The following SH3BGRL2 variants were observed in gnomAD, a reference collection of about 807,000 sequenced individuals.
SH3BGRL2 encodes the protein SH3 domain-binding glutamic acid-rich-like protein 2.
Under a neutral mutation model 14.8 loss-of-function variants are expected in SH3BGRL2, and 21 were observed. That is an observed-to-expected ratio of 1.42 (90% CI 1.01 to 2.05). SH3BGRL2 has a LOEUF of 2.05. SH3BGRL2 is among the 30% of genes most tolerant of loss of function. The pLI, the probability that SH3BGRL2 is intolerant of heterozygous loss-of-function variation, is 0.00. For synonymous variants in SH3BGRL2, 50 were observed against 47.8 expected, an observed-to-expected ratio of 1.05 and a Z score of -0.19; for missense variants, 147 against 130.8, an observed-to-expected ratio of 1.12 and a Z score of -0.61.
the SH3BGRL2 span, among the ~76,000 whole-genome samples, chr6:79,599,623 C>T: frequency 6.6e-6 from 1 of 152,068 alleles, no homozygotes. Context: ...CACCCTATAC[C>T]AGCTCTTTTA....
chr6:79,659,805 CTT>C (rs1562150103), intron 1 of SH3BGRL2, among the ~76,000 whole-genome samples: 1 of 152,076 alleles, frequency 6.6e-6, no homozygotes, highest in Admixed American at 6.6e-5. Flanking sequence ...TCTGTCCTCT[CTT>C]ATTTCTTTGA....
rs1042983624 is a variant in SH3BGRL2, at chr6:79,700,342, TTATAATA to T, written c.*839_*845del. On this transcript the variant is annotated 3_prime_UTR_variant, in exon 4 of 4. Transcript: ENST00000369838. ...GGCATTTTCAGCTCTAGCAATTTAT[TTATAATA>T]TATAAGTTCATATATTTTTTAATCC... 6.6e-6 allele frequency: 1 copy of T among 152,154 alleles called. No homozygotes were observed. The highest frequency in any genetic ancestry group is 2.4e-5 in the African/African-American group (1 of 41,444). The allele number at this position is 152,154 out of a possible 1,614,324, so 9.4% of individuals were successfully genotyped here. A position where few individuals can be genotyped will look rare whatever the true frequency, so the allele number is the denominator to read the frequency against.
chr6:79,688,034 A>G (rs927147661), intron 2 of SH3BGRL2, among the ~76,000 whole-genome samples: 1 of 152,202 alleles, frequency 6.6e-6, no homozygotes, highest in Admixed American at 6.5e-5. Context: ...TGCTTAGTCC[A>G]TAATGGTCTA....
At chr6:79,653,425 G>A (rs567084944) in intron 1 of SH3BGRL2, among the ~76,000 whole-genome samples, 38 of 152,150 alleles carry the variant, frequency 2.5e-4, no homozygotes, top group African/African-American at 9.2e-4. Context: ...ATAATTATTC[G>A]AAGGTATAAT....
At chr6:79,682,540 A>G (rs1016416964) in intron 2 of SH3BGRL2, among the ~76,000 whole-genome samples, 4 of 152,156 alleles carry the variant, frequency 2.6e-5, no homozygotes, top group African/African-American at 9.7e-5. Flanking sequence ...AGAAAATGCT[A>G]ACATATCTCC....
chr6:79,573,605 G>A, the SH3BGRL2 span, among the ~76,000 whole-genome samples: 13 of 152,022 alleles, frequency 8.6e-5, no homozygotes, highest in Non-Finnish European at 1.9e-4. Flanking sequence ...TTTATGTTCC[G>A]AGTATTTGTA....
intron 2 of SH3BGRL2, among the ~76,000 whole-genome samples, chr6:79,689,425 A>C (rs2127737818): frequency 6.6e-6 from 1 of 152,324 alleles, no homozygotes; most frequent in South Asian, 2.1e-4. Flanking sequence ...AGATTTCTAA[A>C]CATCTGACAT....
At chr6:79,684,135 G>A (rs1388253886) in intron 2 of SH3BGRL2, among the ~76,000 whole-genome samples, 1 of 152,092 alleles carries the variant, frequency 6.6e-6, no homozygotes, top group African/African-American at 2.4e-5. Context: ...TCTACTATAT[G>A]ATACTTAAGG....
At chr6:79,605,897 C>T in the SH3BGRL2 span, among the ~76,000 whole-genome samples, 1 of 152,288 alleles carries the variant, frequency 6.6e-6, no homozygotes, top group South Asian at 2.1e-4. Flanking sequence ...ATATAACACT[C>T]TTAGTAGAAA....
At chr6:79,582,772 A>G in the SH3BGRL2 span, among the ~76,000 whole-genome samples, 2 of 152,262 alleles carry the variant, frequency 1.3e-5, no homozygotes, top group Non-Finnish European at 2.9e-5. Flanking sequence ...AACAAAAGCC[A>G]AAATAGACAA....
chr6:79,621,821 T>C, the SH3BGRL2 span, among the ~76,000 whole-genome samples: 5 of 152,138 alleles, frequency 3.3e-5, no homozygotes, highest in African/African-American at 7.2e-5. Context: ...ACCAGTGAGA[T>C]ATAAGAAGTC....
chr6:79,700,800 T>C lies in SH3BGRL2; in HGVS notation c.*1291T>C, dbSNP rs1770439729. 2 of 152,188 alleles carry C rather than the reference T, an allele frequency of 1.3e-5. No individual in the cohort carries two copies. The highest frequency in any genetic ancestry group is 2.1e-4 in the South Asian group (1 of 4,834). The allele number at this position is 152,188 out of a possible 1,614,324, so 9.4% of individuals were successfully genotyped here. A position where few individuals can be genotyped will look rare whatever the true frequency, so the allele number is the denominator to read the frequency against. On this transcript the variant is annotated 3_prime_UTR_variant, in exon 4 of 4. Transcript: ENST00000369838. ...ATTCTTGTCCCTATAACAGGGATGC[T>C]TAATTTTTTTTTTAACTTAGAGTTT...
chr6:79,620,312 A>AT, the SH3BGRL2 span, among the ~76,000 whole-genome samples: 57 of 148,592 alleles, frequency 3.8e-4, no homozygotes, highest in South Asian at 2.1e-3. Context: ...AAATTTAAAG[A>AT]TTTTTTTTTT....
chr6:79,624,909 C>T, the SH3BGRL2 span, among the ~76,000 whole-genome samples: 2 of 152,024 alleles, frequency 1.3e-5, no homozygotes, highest in Non-Finnish European at 2.9e-5. Flanking sequence ...CCATGGCTCA[C>T]GCCTGTAATC....
intron 1 of SH3BGRL2, among the ~76,000 whole-genome samples, chr6:79,662,075 C>G (rs1205411897): frequency 2.0e-5 from 3 of 152,176 alleles, no homozygotes; most frequent in African/African-American, 7.2e-5. Flanking sequence ...ATACAGTACA[C>G]TGATGGATCT....
At chr6:79,667,010 C>T (rs1769673941) in intron 1 of SH3BGRL2, among the ~76,000 whole-genome samples, 1 of 152,178 alleles carries the variant, frequency 6.6e-6, no homozygotes, top group Non-Finnish European at 1.5e-5. Flanking sequence ...CTGCTTAGGC[C>T]TTTTCTTGTT....
At chr6:79,537,921 T>C in the SH3BGRL2 span, among the ~76,000 whole-genome samples, 3 of 151,202 alleles carry the variant, frequency 2.0e-5, no homozygotes, top group Non-Finnish European at 2.9e-5. Flanking sequence ...AGATCCTGGC[T>C]GTGAATCACC....
At chr6:79,547,930 A>G in the SH3BGRL2 span, among the ~76,000 whole-genome samples, 2 of 152,220 alleles carry the variant, frequency 1.3e-5, no homozygotes, top group Admixed American at 6.5e-5. Context: ...CAGGGGCACA[A>G]TCACAGCTCA....
the SH3BGRL2 span, among the ~76,000 whole-genome samples, chr6:79,587,861 G>A: frequency 5.3e-5 from 8 of 152,300 alleles, no homozygotes; most frequent in South Asian, 8.3e-4. Flanking sequence ...ATAAATTTTT[G>A]AGTTGCAATA....
Sources: allele counts gnomAD v4.1 joint callset (sites outside exome capture counted in the v4.1 genomes callset), GRCh38; gene constraint gnomAD v4.1.1; transcripts MANE v1.5; gene names NCBI Gene and HGNC (gene_info 2026-07-23, HGNC 2026-07-21).